Variants in SMOC2 observed in about 807,000 individuals in gnomAD.
The protein encoded by SMOC2 is SPARC-related modular calcium-binding protein 2.
Under a neutral mutation model 61.4 loss-of-function variants are expected in SMOC2, and 39 were observed. The ratio of observed to expected loss-of-function variants is 0.64; its 90% CI spans 0.49 to 0.83. The LOEUF (loss-of-function observed/expected upper bound fraction) is 0.83, where lower values mean the gene tolerates loss of function less well. Ranked by LOEUF, SMOC2 falls within the 40% of genes least tolerant of loss-of-function variation. SMOC2 has a pLI of 0.00. For missense variants in SMOC2, 556 were observed against 592.9 expected (o/e 0.94, Z 0.65); for synonymous variants, 247 against 239.9 (o/e 1.03, Z -0.27).
In SMOC2 at chr6:168,509,767, G is replaced by A. The variant is rs1351564247; in HGVS notation, c.85-148G>A. On this transcript the variant is annotated intron_variant, in intron 1 of 12. Coordinates refer to ENST00000356284, the MANE Select transcript of SMOC2 (RefSeq NM_001166412.2). Reference sequence around the variant, plus strand: ...GCTAAAATGTTCAGAGGTGCACGTGGCGCTTCTGGCAGGGGTGAGAACCGG... The same window carrying A: ...GCTAAAATGTTCAGAGGTGCACGTGACGCTTCTGGCAGGGGTGAGAACCGG... The A allele has an allele frequency of 1.3e-5, 8 of 618,102 alleles. No individual in the cohort carries two copies. The East Asian group carries it at 1.9e-4, about 15-fold the overall frequency. The allele number at this position is 618,102 out of a possible 1,614,324, so 38.3% of individuals were successfully genotyped here.
intron 11 of SMOC2, among the ~76,000 whole-genome samples, chr6:168,656,127 A>C (rs1249410160): frequency 6.6e-6 from 1 of 152,010 alleles, no homozygotes; most frequent in Non-Finnish European, 1.5e-5. Context: ...GTCGTTTATG[A>C]CTCTTTTATT....
chr6:168,475,309 T>G lies in SMOC2; in HGVS notation c.84+33855T>G, dbSNP rs1782053722. 6.6e-6 allele frequency among the ~76,000 whole-genome samples: 1 copy of G among 152,140 alleles called. No homozygotes were observed. On this transcript the variant is annotated intron_variant, in intron 1 of 12. Transcript: ENST00000356284. The surrounding 1 kb of genome is among the most constrained non-coding windows in gnomAD (Gnocchi z 4.6). Reference sequence around the variant, plus strand: ...GGATGTCACATTTCAATGCCTTTCCTTCCTCTTCTCTGTGGACGTAGATTA... The same window carrying G: ...GGATGTCACATTTCAATGCCTTTCCGTCCTCTTCTCTGTGGACGTAGATTA...
intron 8 of SMOC2, among the ~76,000 whole-genome samples, chr6:168,602,992 A>T (rs2880406): frequency 6.6e-6 from 1 of 151,960 alleles, no homozygotes; most frequent in African/African-American, 2.4e-5. Flanking sequence ...TAATCCCCAC[A>T]TGTCGTGGGA....
chr6:168,546,877 T>A (rs1784016230), intron 5 of SMOC2, among the ~76,000 whole-genome samples: 1 of 152,210 alleles, frequency 6.6e-6, no homozygotes, highest in Non-Finnish European at 1.5e-5. Flanking sequence ...GATCGGATAT[T>A]TTCCACGTGA....
chr6:168,544,727 C>T lies in SMOC2; in HGVS notation c.511+1055C>T, dbSNP rs1385831476. ...AATCGGAGTTTTATTCAACCAATCCCTTCTGCATGTGTGGAAACTGTGGTG... is the reference window on the plus strand; with the variant it reads ...AATCGGAGTTTTATTCAACCAATCCTTTCTGCATGTGTGGAAACTGTGGTG... On this transcript the variant is annotated intron_variant, in intron 5 of 12. Coordinates refer to ENST00000356284, the MANE Select transcript of SMOC2 (RefSeq NM_001166412.2). This position sits in a 1 kb window ranked among gnomAD's most constrained non-coding sequence, Gnocchi z 4.1. Among the ~76,000 whole-genome samples, 1 of 152,148 alleles carries T rather than the reference C, an allele frequency of 6.6e-6. No individual in the cohort carries two copies. The highest frequency in any genetic ancestry group is 2.4e-5 in the African/African-American group (1 of 41,424).
chr6:168,537,517 TAGCTGAA>T (rs1783760056), intron 4 of SMOC2, among the ~76,000 whole-genome samples: 1 of 152,266 alleles, frequency 6.6e-6, no homozygotes, highest in African/African-American at 2.4e-5. Context: ...AAGACTTGCT[TAGCTGAA>T]AGCTGGTCCT....
At chr6:168,563,340 ATGTG>A (rs1401499176) in intron 7 of SMOC2, among the ~76,000 whole-genome samples, 1 of 152,058 alleles carries the variant, frequency 6.6e-6, no homozygotes, top group Non-Finnish European at 1.5e-5. Context: ...ATATATGTGT[ATGTG>A]TGTATATGTA....
chr6:168,533,433 A>G (rs1392304638), intron 4 of SMOC2, among the ~76,000 whole-genome samples: 8 of 152,210 alleles, frequency 5.3e-5, no homozygotes, highest in African/African-American at 1.7e-4. Flanking sequence ...TACACTTCAT[A>G]AGCCAAAGCT....
intron 7 of SMOC2, among the ~76,000 whole-genome samples, chr6:168,568,873 C>T (rs757674781): frequency 2.0e-5 from 3 of 152,196 alleles, no homozygotes; most frequent in Non-Finnish European, 4.4e-5. Context: ...CGTGTCTTTT[C>T]GTGGCTTGAT....
chr6:168,569,174 G>A (rs9456202), intron 7 of SMOC2, among the ~76,000 whole-genome samples: 3,173 of 152,278 alleles, frequency 0.021, 122 homozygotes, highest in African/African-American at 0.072. Context: ...AGCCTGCTTT[G>A]TAGCCTCCCC....
At chr6:168,633,312 C>A (rs1334884952) in intron 9 of SMOC2, among the ~76,000 whole-genome samples, 2 of 152,140 alleles carry the variant, frequency 1.3e-5, no homozygotes, top group Non-Finnish European at 2.9e-5. Flanking sequence ...ATCTGCATTT[C>A]CCCATTTCTT....
chr6:168,583,395 C>G (rs113488702), intron 7 of SMOC2, among the ~76,000 whole-genome samples: 1,753 of 152,342 alleles, frequency 0.012, 28 homozygotes, highest in African/African-American at 0.039. Flanking sequence ...TGCCTCACCC[C>G]TCCTGGTCTG....
chr6:168,513,058 T>G (rs1783047157), intron 2 of SMOC2, among the ~76,000 whole-genome samples: 1 of 152,234 alleles, frequency 6.6e-6, no homozygotes, highest in Admixed American at 6.5e-5. Context: ...TGATTAAAAT[T>G]GAAAGCATTT....
At chr6:168,617,893 G>T (rs1187283038) in intron 9 of SMOC2, among the ~76,000 whole-genome samples, 2 of 152,242 alleles carry the variant, frequency 1.3e-5, no homozygotes, top group East Asian at 3.9e-4. Context: ...AGAGGCGGGG[G>T]TCGCGTCCAG....
At chr6:168,496,700 C>A (rs1374486358) in intron 1 of SMOC2, among the ~76,000 whole-genome samples, 3 of 152,180 alleles carry the variant, frequency 2.0e-5, no homozygotes, top group Non-Finnish European at 4.4e-5. Flanking sequence ...AGGGCCCCCA[C>A]CCTGGGGCCT....
At chr6:168,643,546 C>G (rs1786945598) in intron 9 of SMOC2, among the ~76,000 whole-genome samples, 1 of 152,202 alleles carries the variant, frequency 6.6e-6, no homozygotes, top group African/African-American at 2.4e-5. Context: ...GCACCTCTGC[C>G]TGGCAAGCAG....
intron 7 of SMOC2, among the ~76,000 whole-genome samples, chr6:168,598,353 C>G (rs944931097): frequency 6.6e-6 from 1 of 152,176 alleles, no homozygotes; most frequent in Non-Finnish European, 1.5e-5. Flanking sequence ...CACAGGGAGC[C>G]TCGGAGTCTA....
intron 1 of SMOC2, among the ~76,000 whole-genome samples, chr6:168,491,055 G>T (rs1489970092): frequency 6.6e-6 from 1 of 152,138 alleles, no homozygotes; most frequent in Non-Finnish European, 1.5e-5. Flanking sequence ...GGGGCGGCTG[G>T]TCTCTCTCAT....
intron 11 of SMOC2, among the ~76,000 whole-genome samples, chr6:168,657,042 A>T (rs1787341080): frequency 6.6e-6 from 1 of 152,210 alleles, no homozygotes; most frequent in African/African-American, 2.4e-5. Flanking sequence ...GGCCTCTAAT[A>T]AGACAAAAAA....
Sources: allele counts gnomAD v4.1 joint callset (sites outside exome capture counted in the v4.1 genomes callset), GRCh38; gene constraint gnomAD v4.1.1; non-coding constraint Gnocchi (gnomAD v3.1); transcripts MANE v1.5; gene names NCBI Gene and HGNC (gene_info 2026-07-23, HGNC 2026-07-21).